The following PTPRT variants were observed in gnomAD, a reference collection of about 807,000 sequenced individuals.
PTPRT encodes the protein receptor-type tyrosine-protein phosphatase T.
A neutral mutation model predicts 176.8 loss-of-function variants in PTPRT; 56 were observed. The ratio of observed to expected loss-of-function variants is 0.32; its 90% CI spans 0.26 to 0.40. PTPRT has a LOEUF of 0.40. PTPRT is among the 10% of genes least tolerant of loss of function. The pLI, the probability that PTPRT is intolerant of heterozygous loss-of-function variation, is 1.00. For missense variants in PTPRT, 1,540 were observed against 1,908.2 expected, an observed-to-expected ratio of 0.81 and a Z score of 3.60; for synonymous variants, 783 against 739.0, an observed-to-expected ratio of 1.06 and a Z score of -0.96.
At chr20:42,393,947 G>T (rs760933237) in intron 9 of PTPRT, among the ~76,000 whole-genome samples, 1 of 151,856 alleles carries the variant, frequency 6.6e-6, no homozygotes, top group African/African-American at 2.4e-5. Flanking sequence ...CTATATTCCC[G>T]AATACAACCT....
At chr20:42,745,371 G>A (rs941835834) in intron 6 of PTPRT, among the ~76,000 whole-genome samples, 3 of 152,196 alleles carry the variant, frequency 2.0e-5, no homozygotes, top group South Asian at 2.1e-4. Flanking sequence ...GGGCCAGTAC[G>A]ACTGGCCTTT....
intron 17 of PTPRT, among the ~76,000 whole-genome samples, chr20:42,153,531 T>C (rs892578204): frequency 1.3e-5 from 2 of 152,178 alleles, no homozygotes; most frequent in Admixed American, 1.3e-4. Context: ...AAACCCACCA[T>C]GTGCTCTGTT....
rs1334749032 is a variant in PTPRT at position 43,083,338 on chromosome 20, A to G, written c.88+106308T>C. On this transcript the variant is annotated intron_variant, in intron 1 of 30. Coordinates refer to ENST00000373187, the MANE Select transcript of PTPRT (RefSeq NM_007050.6). ...TTCAAATGTATATATATATATATATATATATATATATATATATATATATAT... is the reference window on the plus strand; with the variant it reads ...TTCAAATGTATATATATATATATATGTATATATATATATATATATATATAT... 3.0e-4 allele frequency among the ~76,000 whole-genome samples: 34 copies of G among 112,718 alleles called. 3 individuals are homozygous for G. Among genetic ancestry groups the G allele is most frequent in the Admixed American group, 3.8e-4 (4 of 10,542 alleles). The allele number at this position is 112,718 out of a possible 152,430, so 73.9% of individuals were successfully genotyped here.
intron 15 of PTPRT, among the ~76,000 whole-genome samples, chr20:42,223,673 T>C (rs2055938275): frequency 6.6e-6 from 1 of 152,298 alleles, no homozygotes; most frequent in East Asian, 1.9e-4. Context: ...GTAGCTCTGC[T>C]ATATAAAGCA....
chr20:42,331,621 G>A (rs571708914), intron 11 of PTPRT, among the ~76,000 whole-genome samples: 10 of 152,178 alleles, frequency 6.6e-5, no homozygotes, highest in East Asian at 1.9e-4. Flanking sequence ...ATGGGAAGAC[G>A]TAACCTACTG....
chr20:42,987,345 C>T (rs1450941708), intron 1 of PTPRT, among the ~76,000 whole-genome samples: 2 of 152,202 alleles, frequency 1.3e-5, no homozygotes, highest in African/African-American at 4.8e-5. Context: ...GTCGCACGAG[C>T]CACATTTCAA....
intron 1 of PTPRT, among the ~76,000 whole-genome samples, chr20:43,179,286 G>T (rs563195397): frequency 6.6e-6 from 1 of 152,256 alleles, no homozygotes; most frequent in South Asian, 2.1e-4. Context: ...AATAACTTAC[G>T]TGTTTACATC....
chr20:42,108,467 A>T (rs1986692245), intron 23 of PTPRT, among the ~76,000 whole-genome samples: 1 of 152,212 alleles, frequency 6.6e-6, no homozygotes, highest in African/African-American at 2.4e-5. Flanking sequence ...GATCCACCTC[A>T]CAGCATTAAT....
chr20:42,075,492 T>A lies in PTPRT; in HGVS notation c.*5387A>T, dbSNP rs1183700301. 4.6e-6 allele frequency: 1 copy of A among 217,442 alleles called. No individual in the cohort carries two copies. The highest frequency in any genetic ancestry group is 9.2e-6 in the Non-Finnish European group (1 of 108,186). The allele number at this position is 217,442 out of a possible 1,614,324, so 13.5% of individuals were successfully genotyped here. ...TACTCCTGGTTGAGCTTGGTGCTGA[T>A]GACCTGTTTACCCAGCCCAGGAGTG... On this transcript the variant is annotated 3_prime_UTR_variant, in exon 31 of 31. Transcript: ENST00000373187.
intron 6 of PTPRT, among the ~76,000 whole-genome samples, chr20:42,678,921 T>C (rs954069537): frequency 6.6e-6 from 1 of 152,110 alleles, no homozygotes; most frequent in African/African-American, 2.4e-5. Context: ...TTCCAAAAAG[T>C]GATATGAGCC....
At chr20:42,981,940 G>C (rs1983305939) in intron 1 of PTPRT, among the ~76,000 whole-genome samples, 2 of 152,040 alleles carry the variant, frequency 1.3e-5, no homozygotes, top group African/African-American at 4.8e-5. Flanking sequence ...TCTCTTTATG[G>C]GGCGCTCTTT....
the PTPRT span, among the ~76,000 whole-genome samples, chr20:42,061,632 TTGAC>T: frequency 6.6e-6 from 1 of 152,338 alleles, no homozygotes; most frequent in African/African-American, 2.4e-5. Context: ...AAAAAGTCGT[TTGAC>T]TGGGACAGCA....
At chr20:42,937,303 C>G (rs190122270) in intron 1 of PTPRT, among the ~76,000 whole-genome samples, 9 of 152,288 alleles carry the variant, frequency 5.9e-5, no homozygotes, top group Non-Finnish European at 1.3e-4. Flanking sequence ...CAGTCAGAGA[C>G]TGTGGCTCTC....
chr20:42,791,009 A>G (rs2077366414), intron 3 of PTPRT, among the ~76,000 whole-genome samples, 186 bp downstream of exon 3: 1 of 152,170 alleles, frequency 6.6e-6, no homozygotes. Flanking sequence ...TTTTCCTACA[A>G]ATGATGAATT....
intron 6 of PTPRT, among the ~76,000 whole-genome samples, chr20:42,724,090 T>A (rs2076342519): frequency 6.6e-6 from 1 of 152,238 alleles, no homozygotes; most frequent in Non-Finnish European, 1.5e-5. Context: ...TCAGCAAATA[T>A]TCATTGAACA....
intron 7 of PTPRT, among the ~76,000 whole-genome samples, chr20:42,563,943 G>A (rs952864057): frequency 1.3e-5 from 2 of 152,188 alleles, no homozygotes; most frequent in Non-Finnish European, 2.9e-5. Context: ...CTTTGTCATT[G>A]AAAAGCCCAG....
chr20:42,979,242 AC>A (rs1983137620), intron 1 of PTPRT, among the ~76,000 whole-genome samples: 1 of 152,098 alleles, frequency 6.6e-6, no homozygotes, highest in African/African-American at 2.4e-5. Flanking sequence ...CTGTCAAGAC[AC>A]CTTTTTGTTG....
intron 7 of PTPRT, among the ~76,000 whole-genome samples, chr20:42,601,162 T>C (rs2073774423): frequency 6.6e-6 from 1 of 152,186 alleles, no homozygotes; most frequent in Non-Finnish European, 1.5e-5. Flanking sequence ...CTACTCTCCA[T>C]AGTGGAAAAT....
intron 1 of PTPRT, among the ~76,000 whole-genome samples, chr20:42,894,132 T>C (rs2079249803): frequency 1.3e-5 from 2 of 152,036 alleles, no homozygotes; most frequent in South Asian, 4.2e-4. Flanking sequence ...AAGGTTGATC[T>C]AAGGAAGCGC....
Sources: gnomAD v4.1 joint callset for allele counts (sites outside exome capture counted in the v4.1 genomes callset) on GRCh38, gnomAD v4.1.1 for gene constraint, MANE v1.5 for transcripts, NCBI Gene and HGNC (gene_info 2026-07-23, HGNC 2026-07-21) for gene names.